The following ITSN2 variants were observed in gnomAD, a reference collection of about 807,000 sequenced individuals.
The protein encoded by ITSN2 is intersectin-2.
Under a neutral mutation model 243.7 loss-of-function variants are expected in ITSN2, and 156 were observed. The ratio of observed to expected loss-of-function variants is 0.64; its 90% CI spans 0.56 to 0.73. The LOEUF is 0.73. Among genes scored for constraint, ITSN2 ranks in the 30% least tolerant of loss-of-function variants. The probability of loss-of-function intolerance (pLI) is 0.00; values close to 1 mark genes in which losing one functional copy is unlikely to be tolerated. For synonymous variants in ITSN2, 703 were observed against 699.9 expected (o/e 1.00, Z -0.07); for missense variants, 1,801 against 1,996.1 (o/e 0.90, Z 1.86).
intron 29 of ITSN2, chr2:24,241,792 CAT>C (rs1358545184): frequency 2.0e-5 from 3 of 152,566 alleles, no homozygotes; most frequent in Non-Finnish European, 2.9e-5. Context: ...AATGAATACA[CAT>C]GTTGCAATAA....
At chr2:24,294,451 G>T (rs1160145970) in intron 14 of ITSN2, among the ~76,000 whole-genome samples, 1 of 151,988 alleles carries the variant, frequency 6.6e-6, no homozygotes, top group African/African-American at 2.4e-5. Flanking sequence ...AGGAAAGCAG[G>T]TTTAAATCAG....
intron 15 of ITSN2, 158 bp downstream of exon 15, chr2:24,293,530 T>C (rs936912615): frequency 9.9e-6 from 4 of 405,376 alleles, no homozygotes; most frequent in African/African-American, 2.1e-5. Context: ...TGCTCTAACA[T>C]CTGGGATATT....
chr2:24,217,556 G>A (rs898218884), intron 31 of ITSN2, among the ~76,000 whole-genome samples: 5 of 152,258 alleles, frequency 3.3e-5, no homozygotes, highest in Admixed American at 2.6e-4. Context: ...GACTTAGGAG[G>A]CCACCAAACT....
At chr2:24,349,632 A>G (rs992419555) in intron 1 of ITSN2, among the ~76,000 whole-genome samples, 2 of 152,150 alleles carry the variant, frequency 1.3e-5, no homozygotes, top group Non-Finnish European at 2.9e-5. Flanking sequence ...ACTCATTCCC[A>G]AACTATTTTT....
rs185089817 is a variant in ITSN2 at position 24,358,376 on chromosome 2, G to T, written c.-34+1928C>A. 1.2e-4 allele frequency among the ~76,000 whole-genome samples: 18 copies of T among 152,330 alleles called. No homozygotes were observed. In the East Asian group the frequency reaches 3.3e-3, roughly 28 times the overall value. On this transcript the variant is annotated intron_variant, in intron 1 of 39. Transcript: ENST00000355123. ...AACATTTCACTTACCTTTTTGATGG[G>T]AAGATAATAATTACTCCTAGGGCCT... is the stretch of plus-strand genomic sequence containing the variant.
chr2:24,311,775 TA>T (rs1233796568), intron 5 of ITSN2: 1 of 167,312 alleles, frequency 6.0e-6, no homozygotes, highest in Non-Finnish European at 1.5e-5. Flanking sequence ...AATTAACCTT[TA>T]AAAAAATTCA....
chr2:24,342,299 G>C (rs568328241), intron 1 of ITSN2, among the ~76,000 whole-genome samples: 1 of 151,862 alleles, frequency 6.6e-6, no homozygotes, highest in Non-Finnish European at 1.5e-5. Context: ...CCAGGCTCAC[G>C]TGATTCTCCC....
chr2:24,234,996 T>C (rs1311897417), intron 29 of ITSN2, among the ~76,000 whole-genome samples: 1 of 152,190 alleles, frequency 6.6e-6, no homozygotes, highest in African/African-American at 2.4e-5. Context: ...CACCTTGGTA[T>C]TGATTCAAAG....
At chr2:24,212,847 T>C (rs992403392) in intron 32 of ITSN2, 99 bp from the exon 33 acceptor site, 1 of 969,936 alleles carries the variant, frequency 1.0e-6, no homozygotes, top group Non-Finnish European at 1.6e-6. Context: ...CTTTTATTTA[T>C]TTATGTTTCT....
At position 24,203,586 on chromosome 2, in the gene ITSN2, G is replaced by A. The variant is rs750510414; in HGVS notation, c.*40C>T. ...CGCAGTCTCTCATTCTCCAGCCCCA[G>A]CCTTGTGGGCTGTCCCGCTGGTGCT... On this transcript the variant is annotated 3_prime_UTR_variant, in exon 40 of 40. Transcript: ENST00000355123. The A allele has an allele frequency of 7.6e-6, 12 of 1,588,600 alleles. No individual in the cohort carries two copies. The highest frequency in any genetic ancestry group is 4.5e-5 in the South Asian group (4 of 89,022).
intron 3 of ITSN2, 57 bp from the exon 4 acceptor site, chr2:24,313,580 T>C: frequency 1.6e-6 from 2 of 1,219,560 alleles, no homozygotes; most frequent in Non-Finnish European, 2.4e-6. Context: ...ATTATTCCAA[T>C]GCTTCTGAAT....
rs188764715 is a variant in ITSN2, at chr2:24,212,929, A to T, written c.3991-181T>A. Reference sequence around the variant, plus strand: ...TTTATTTTTATTTTAAAATTTGTGTATATTCACAACATACAAGTGTAATTT... The same window carrying T: ...TTTATTTTTATTTTAAAATTTGTGTTTATTCACAACATACAAGTGTAATTT... On this transcript the variant is annotated intron_variant, in intron 32 of 39. Transcript: ENST00000355123. Among the ~76,000 whole-genome samples, 25 of 152,162 alleles carry T rather than the reference A, an allele frequency of 1.6e-4. No homozygotes were observed. The East Asian group carries it at 4.6e-3, about 28-fold the overall frequency.
At chr2:24,235,768 A>G (rs895305979) in intron 29 of ITSN2, among the ~76,000 whole-genome samples, 1 of 152,260 alleles carries the variant, frequency 6.6e-6, no homozygotes, top group Non-Finnish European at 1.5e-5. Flanking sequence ...AAGATGCCCA[A>G]TATCATTAGT....
At chr2:24,270,401 T>TA (rs559163779) in intron 20 of ITSN2, among the ~76,000 whole-genome samples, 79 of 152,224 alleles carry the variant, frequency 5.2e-4, no homozygotes, top group African/African-American at 1.8e-3. Flanking sequence ...GATTTGGAAA[T>TA]AAAAAAACAC....
At position 24,300,187 on chromosome 2, in the gene ITSN2, C is replaced by T; in HGVS notation, c.1082-16G>A. ...TCAAAAGTAACTGAACAAGGTATGC[C>T]TATCAGCATCCACACACATTAACAG... On this transcript the variant is annotated splice_polypyrimidine_tract_variant and intron_variant, in intron 11 of 39. Coordinates refer to ENST00000355123, the MANE Select transcript of ITSN2 (RefSeq NM_006277.3). 6.2e-7 allele frequency: 1 copy of T among 1,613,376 alleles called. No homozygotes were observed. The highest frequency in any genetic ancestry group is 8.5e-7 in the Non-Finnish European group (1 of 1,179,636).
At chr2:24,325,789 T>C (rs1293205514) in intron 2 of ITSN2, among the ~76,000 whole-genome samples, 2 of 152,220 alleles carry the variant, frequency 1.3e-5, no homozygotes, top group African/African-American at 4.8e-5. Context: ...CTTATTCTCA[T>C]CTCACTTGCT....
chr2:24,324,048 T>C (rs1010138553), intron 2 of ITSN2, among the ~76,000 whole-genome samples: 2 of 152,032 alleles, frequency 1.3e-5, no homozygotes, highest in Non-Finnish European at 2.9e-5. Flanking sequence ...CTGGCTAACG[T>C]GGTGAAACCC....
chr2:24,254,491 G>A lies in ITSN2; in HGVS notation c.2889-60C>T, dbSNP rs1046675281. 13 of 1,399,408 alleles carry A rather than the reference G, an allele frequency of 9.3e-6. No individual in the cohort carries two copies. The African/African-American group carries it at 1.4e-4, about 15-fold the overall frequency. 86.7% of individuals were successfully genotyped at this position (1,399,408 alleles called of 1,614,324 possible). ...AACAAATACAAGCAAAAATAAGAAA[G>A]GTGATTTGATGCACAGCAGGTTTTA... On this transcript the variant is annotated intron_variant, in intron 23 of 39. Transcript: ENST00000355123.
In ITSN2 at chr2:24,299,913, C is replaced by A; in HGVS notation, c.1340G>T (p.Arg447Leu). The change falls in exon 12 of 40, where the codon CGA becomes CTA. Residue 447 changes from arginine to leucine, a missense_variant. Arg to Leu is a moderately radical substitution (Grantham distance 102). This residue lies in a region of ITSN2 where 787 missense variants were observed against 803.9 expected (regional missense o/e 0.98). Coordinates refer to ENST00000355123, the MANE Select transcript of ITSN2 (RefSeq NM_006277.3). ...AGTAAAAAACTTAAAAATAACCTCT[C>A]GTCTTTCTATGTCTTTTCTCCTTTC... ...EEERRKDIER[R>L]EAAKQELERQ... 5.6e-6 allele frequency: 9 copies of A among 1,594,286 alleles called. No individual in the cohort carries two copies. The highest frequency in any genetic ancestry group is 7.7e-6 in the Non-Finnish European group (9 of 1,171,486).
Sources: gnomAD v4.1 joint callset for allele counts (sites outside exome capture counted in the v4.1 genomes callset) on GRCh38, gnomAD v4.1.1 for gene constraint, gnomAD v4.1.1 regional missense constraint, MANE v1.5 for transcripts, NCBI Gene and HGNC (gene_info 2026-07-23, HGNC 2026-07-21) for gene names.